SYNM: variants seen among roughly 807,000 people sequenced by gnomAD.
SYNM encodes the protein desmuslin.
SYNM carries 95 observed loss-of-function variants against 104.0 expected under a neutral mutation model. The observed-to-expected ratio is 0.91, with a 90% CI of 0.77 to 1.08. SYNM has a LOEUF of 1.08. SYNM is among the 50% of genes least tolerant of loss of function. The pLI is 0.00. For synonymous variants in SYNM, 918 were observed against 869.0 expected, an observed-to-expected ratio of 1.06 and a Z score of -0.99; for missense variants, 2,150 against 2,052.2, an observed-to-expected ratio of 1.05 and a Z score of -0.92.
chr15:99,115,898 A>G (rs1391108707), intron 2 of SYNM, among the ~76,000 whole-genome samples: 1 of 152,234 alleles, frequency 6.6e-6, no homozygotes, highest in Non-Finnish European at 1.5e-5. Context: ...TATTTTCTGG[A>G]AGACTTACAT....
At chr15:99,138,956 C>T (rs1187509241), downstream of SYNM, among the ~76,000 whole-genome samples, 2 of 152,164 alleles carry the variant, frequency 1.3e-5, no homozygotes, top group Non-Finnish European at 2.9e-5. Flanking sequence ...GTGAACCTTC[C>T]GGCTCCAGTC....
rs1268194535 is a variant in SYNM at position 99,105,434 on chromosome 15, G to A, written c.235G>A (p.Ala79Thr). 18 of 1,463,326 alleles carry A rather than the reference G, an allele frequency of 1.2e-5. No individual in the cohort carries two copies. Among genetic ancestry groups the A allele is most frequent in the Non-Finnish European group, 1.6e-5 (18 of 1,113,906 alleles). 90.6% of individuals were successfully genotyped at this position (1,463,326 alleles called of 1,614,324 possible). A position where few individuals can be genotyped will look rare whatever the true frequency, so the allele number is the denominator to read the frequency against. The part of the protein sequence containing the change: ...QQLDELSWAT[A>T]LAEGERDALR... ...GCTGGACGAGCTGAGCTGGGCCACTGCGCTGGCGGAGGGCGAGCGGGACGC... is the reference window on the plus strand; with the variant it reads ...GCTGGACGAGCTGAGCTGGGCCACTACGCTGGCGGAGGGCGAGCGGGACGC... Residue 79 changes from alanine to threonine, a missense_variant, in exon 1 of 4, where the codon GCG becomes ACG. By Grantham distance (58) the Ala-to-Thr change is moderately conservative (BLOSUM62 0). Transcript: ENST00000336292.
At chr15:99,128,987 TACCTC>T (rs1263888599) in intron 3 of SYNM, 1 of 193,336 alleles carries the variant, frequency 5.2e-6, no homozygotes, top group African/African-American at 2.4e-5. Flanking sequence ...AAATTAAACT[TACCTC>T]AAAAAGCAGA....
chr15:99,141,315 G>A, the SYNM span, among the ~76,000 whole-genome samples: 8 of 152,044 alleles, frequency 5.3e-5, no homozygotes, highest in African/African-American at 1.9e-4. Flanking sequence ...GAAAACGACA[G>A]ATGAATGCAT....
At chr15:99,137,012 TCTG>T (rs1440720984), downstream of SYNM, 2 of 152,214 alleles carry the variant, frequency 1.3e-5, no homozygotes, top group Non-Finnish European at 2.9e-5. Context: ...TGTGCTGCAA[TCTG>T]CTGTCATAGC....
At position 99,105,395 on chromosome 15, in the gene SYNM, A is replaced by G. The variant is rs1555482382; in HGVS notation, c.196A>G (p.Ser66Gly). 2.6e-6 allele frequency: 4 copies of G among 1,510,248 alleles called. No homozygotes were observed. Among genetic ancestry groups the G allele is most frequent in the Non-Finnish European group, 3.5e-6 (4 of 1,136,020 alleles). 93.6% of individuals were successfully genotyped at this position (1,510,248 alleles called of 1,614,324 possible). Residue 66 changes from serine (S) to glycine (G), a missense_variant, in exon 1 of 4, where the codon AGC becomes GGC. Coordinates refer to ENST00000336292, the MANE Select transcript of SYNM (RefSeq NM_145728.3). ...GGCCCGCTGCGCCGAGGAGGCGCGC[A>G]GCTTGCGGCAGCAGCTGGACGAGCT... ...GQARCAEEAR[S>G]LRQQLDELSW...
In SYNM at chr15:99,131,169, A is replaced by C. The variant is rs1555485769; in HGVS notation, c.2809A>C (p.Met937Leu). ...IKIPHEFHTS[M>L]KGISSKEPRQ... ...AATACCCCACGAATTCCACACCTCC[A>C]TGAAGGGCATCTCCTCCAAGGAGCC... Residue 937 changes from methionine (M) to leucine (L), a missense_variant, in exon 4 of 4, where the codon ATG (methionine) becomes CTG (leucine). Transcript: ENST00000336292. This position sits in a 1 kb window ranked among gnomAD's most constrained non-coding sequence, Gnocchi z 4.3. 1 of 1,605,808 alleles carries C rather than the reference A, an allele frequency of 6.2e-7. No homozygotes were observed. Among genetic ancestry groups the C allele is most frequent in the East Asian group, 2.2e-5 (1 of 44,632 alleles).
Position 99,131,695 on chromosome 15 carries a change from C to A in SYNM, c.3335C>A (p.Ala1112Asp). The A allele has an allele frequency of 1.2e-6, 2 of 1,613,150 alleles. No homozygotes were observed. Among genetic ancestry groups the A allele is most frequent in the African/African-American group, 1.3e-5 (1 of 75,064 alleles). The change falls in exon 4 of 4, where the codon GCC (alanine) becomes GAC (aspartate). Residue 1112 changes from alanine to aspartate, a missense_variant. Coordinates refer to ENST00000336292, the MANE Select transcript of SYNM (RefSeq NM_145728.3). The surrounding 1 kb of genome is among the most constrained non-coding windows in gnomAD (Gnocchi z 4.3). Reference protein sequence around the residue: ...TVEVSSPTGFAQSQVLEDVSQ... With the variant: ...TVEVSSPTGFDQSQVLEDVSQ... ...GAGGTCAGCAGCCCCACAGGCTTTGCCCAGTCACAGGTGCTGGAGGATGTG... is the reference window on the plus strand; with the variant it reads ...GAGGTCAGCAGCCCCACAGGCTTTGACCAGTCACAGGTGCTGGAGGATGTG...
At chr15:99,120,717 G>A (rs1596127152) in intron 2 of SYNM, among the ~76,000 whole-genome samples, 1 of 152,190 alleles carries the variant, frequency 6.6e-6, no homozygotes, top group Admixed American at 6.5e-5. Context: ...ACTCCAGCAC[G>A]AGGCTTCTGG....
Position 99,131,363 on chromosome 15 carries a change from T to A in SYNM, c.3003T>A (p.Ala1001=). The A allele has an allele frequency of 6.2e-7, 1 of 1,613,336 alleles. No homozygotes were observed. The highest frequency in any genetic ancestry group is 1.7e-5 in the Admixed American group (1 of 59,938). The change falls in exon 4 of 4, where the codon GCT becomes GCA. Residue 1001 remains alanine, a synonymous_variant. Transcript: ENST00000336292. This position sits in a 1 kb window ranked among gnomAD's most constrained non-coding sequence, Gnocchi z 4.3. Reference sequence around the variant, plus strand: ...GTGGCAGTTCCGTGACCCTGGTTGCTGAAGTCAACGTCTCACAAACTGTGG... The same window carrying A: ...GTGGCAGTTCCGTGACCCTGGTTGCAGAAGTCAACGTCTCACAAACTGTGG... The part of the protein sequence containing the change: ...GAGGSSVTLV[A]EVNVSQTVDA...
intron 2 of SYNM, 41 bp from the exon 3 acceptor site, chr15:99,126,681 T>A: frequency 2.0e-6 from 3 of 1,538,226 alleles, no homozygotes; most frequent in Middle Eastern, 1.7e-4. Flanking sequence ...TTCTTACTCT[T>A]TCGTTTCCTA....
chr15:99,117,754 C>G (rs1206908639), intron 2 of SYNM, among the ~76,000 whole-genome samples: 2 of 83,686 alleles, frequency 2.4e-5, no homozygotes, highest in Admixed American at 1.2e-4. Context: ...AGGGTATTCA[C>G]AAGCCACGGG....
At chr15:99,108,973 C>G (rs574048614) in intron 1 of SYNM, among the ~76,000 whole-genome samples, 70 of 152,198 alleles carry the variant, frequency 4.6e-4, no homozygotes, top group Non-Finnish European at 8.7e-4. Context: ...TATTTTCTTT[C>G]ATTTCTTTTT....
rs1555486296 is a variant in SYNM at position 99,133,092 on chromosome 15, T to C, written c.*34T>C. On this transcript the variant is annotated 3_prime_UTR_variant, in exon 4 of 4. Transcript: ENST00000336292. ...AACATTTTGTTTTAATGGCAGCCTG[T>C]TGGCGACGTGCCAACATCCAAAGGC... 1 of 1,603,922 alleles carries C rather than the reference T, an allele frequency of 6.2e-7. No homozygotes were observed. The highest frequency in any genetic ancestry group is 1.7e-5 in the Admixed American group (1 of 59,630).
chr15:99,119,149 C>T (rs1161427416), intron 2 of SYNM, among the ~76,000 whole-genome samples: 1 of 152,150 alleles, frequency 6.6e-6, no homozygotes, highest in East Asian at 1.9e-4. Context: ...AGGGACTGCA[C>T]CTGCGAATCT....
Position 99,132,304 on chromosome 15 carries a change from C to T in SYNM, c.3944C>T (p.Pro1315Leu), listed in dbSNP as rs1429305847. 3 of 1,611,298 alleles carry T rather than the reference C, an allele frequency of 1.9e-6. No individual in the cohort carries two copies. The African/African-American group carries it at 4.0e-5, about 22-fold the overall frequency. ...TCCATCAGGCACATCAGCATTGGGCCTCAGAGGCATCAGACCACCCAGCAG... is the reference window on the plus strand; with the variant it reads ...TCCATCAGGCACATCAGCATTGGGCTTCAGAGGCATCAGACCACCCAGCAG... ...STSIRHISIGPQRHQTTQQIV... is the reference protein window; with the variant it reads ...STSIRHISIGLQRHQTTQQIV... Residue 1315 changes from proline to leucine, a missense_variant, in exon 4 of 4, where the codon CCT (proline) becomes CTT (leucine). Transcript: ENST00000336292.
At position 99,129,893 on chromosome 15, in the gene SYNM, CAG is replaced by C; in HGVS notation, c.1535_1536del (p.Arg512ThrfsTer16). 1 of 1,613,028 alleles carries C rather than the reference CAG, an allele frequency of 6.2e-7. No individual in the cohort carries two copies. The highest frequency in any genetic ancestry group is 8.5e-7 in the Non-Finnish European group (1 of 1,179,448). ...VKATREQERN[R>X]PETIRTKPEE... Reference sequence around the variant, plus strand: ...AAGCCACGAGGGAGCAAGAAAGAAACAGACCAGAAACCATCCGAACAAAGCCA... The same window carrying C: ...AAGCCACGAGGGAGCAAGAAAGAAACACCAGAAACCATCCGAACAAAGCCA... On this transcript the variant is annotated frameshift_variant, in exon 4 of 4. Coordinates refer to ENST00000336292, the MANE Select transcript of SYNM (RefSeq NM_145728.3). LOFTEE classifies it low-confidence loss of function (END_TRUNC).
rs189396987 is a variant in SYNM at position 99,132,486 on chromosome 15, G to A, written c.4126G>A (p.Val1376Ile). 3.2e-5 allele frequency: 51 copies of A among 1,614,010 alleles called. No individual in the cohort carries two copies. The Admixed American group carries it at 3.3e-4, about 11-fold the overall frequency. ...MTEKSTFQSV[V>I]SESPQEDSAE... is the part of the protein sequence containing the mutation. The stretch of plus-strand genomic sequence containing the variant: ...TGAAAAGAGCACCTTCCAAAGTGTC[G>A]TTTCTGAATCTCCCCAGGAGGATAG... Residue 1376 changes from valine to isoleucine, a missense_variant, in exon 4 of 4, where the codon GTT (valine) becomes ATT (isoleucine). Val to Ile is a conservative substitution (Grantham distance 29, BLOSUM62 3). Transcript: ENST00000336292.
At position 99,105,686 on chromosome 15, in the gene SYNM, A is replaced by G. The variant is rs1309724335; in HGVS notation, c.487A>G (p.Thr163Ala). 6.8e-7 allele frequency: 1 copy of G among 1,473,110 alleles called. No individual in the cohort carries two copies. Among genetic ancestry groups the G allele is most frequent in the South Asian group, 1.3e-5 (1 of 77,206 alleles). The allele number at this position is 1,473,110 out of a possible 1,614,324, so 91.3% of individuals were successfully genotyped here. A position where few individuals can be genotyped will look rare whatever the true frequency, so the allele number is the denominator to read the frequency against. Reference sequence around the variant, plus strand: ...GCTGCGCGCGCGCGCCGCCAGCCTTACCATGCATTTCCGCGCCCGCGCCAC... The same window carrying G: ...GCTGCGCGCGCGCGCCGCCAGCCTTGCCATGCATTTCCGCGCCCGCGCCAC... ...RELRARAASL[T>A]MHFRARATGP... Residue 163 changes from threonine (T) to alanine (A), a missense_variant, in exon 1 of 4, where the codon ACC (threonine) becomes GCC (alanine). Thr to Ala is a moderately conservative substitution (Grantham distance 58). Transcript: ENST00000336292.
Sources: gnomAD v4.1 joint callset for allele counts (sites outside exome capture counted in the v4.1 genomes callset) on GRCh38, gnomAD v4.1.1 for gene constraint, Gnocchi (gnomAD v3.1) non-coding constraint, MANE v1.5 for transcripts, NCBI Gene and HGNC (gene_info 2026-07-23, HGNC 2026-07-21) for gene names.